Variants in ANK2 observed in about 807,000 individuals in gnomAD.
The protein encoded by ANK2 is ankyrin 2, also known as ankyrin-2.
Under a neutral mutation model 360.5 loss-of-function variants are expected in ANK2, and 83 were observed. The ratio of observed to expected loss-of-function variants is 0.23; its 90% CI spans 0.19 to 0.28. The LOEUF (loss-of-function observed/expected upper bound fraction) is 0.28, where lower values mean the gene tolerates loss of function less well. Among genes scored for constraint, ANK2 ranks in the 10% least tolerant of loss-of-function variants. The probability of loss-of-function intolerance (pLI) is 1.00; values close to 1 mark genes in which losing one functional copy is unlikely to be tolerated. For missense variants in ANK2, 4,201 were observed against 4,795.7 expected, an observed-to-expected ratio of 0.88 and a Z score of 3.66; for synonymous variants, 1,740 against 1,759.5, an observed-to-expected ratio of 0.99 and a Z score of 0.28.
intron 2 of ANK2, among the ~76,000 whole-genome samples, chr4:112,918,989 A>G (rs550085829): frequency 6.6e-6 from 1 of 152,270 alleles, no homozygotes; most frequent in Non-Finnish European, 1.5e-5. Context: ...TCTGCTTTCT[A>G]TGGAATTTCT....
intron 4 of ANK2, among the ~76,000 whole-genome samples, chr4:113,212,674 G>C (rs148104212): frequency 6.6e-6 from 1 of 152,316 alleles, no homozygotes; most frequent in Non-Finnish European, 1.5e-5. Flanking sequence ...ATGTGTCTCA[G>C]AGTTCTCATC....
chr4:113,228,674 A>G lies in ANK2; in HGVS notation c.385-3487A>G, dbSNP rs536357294. ...TGTGTGCAAGTATCTTTTTTGTATAATGACTTCTTTTCCTCTGGGTAGATA... is the reference window on the plus strand; with the variant it reads ...TGTGTGCAAGTATCTTTTTTGTATAGTGACTTCTTTTCCTCTGGGTAGATA... On this transcript the variant is annotated intron_variant, in intron 4 of 45. Coordinates refer to ENST00000357077, the MANE Select transcript of ANK2 (RefSeq NM_001148.6). Among the ~76,000 whole-genome samples the G allele has an allele frequency of 2.6e-5, 4 of 151,992 alleles. No individual in the cohort carries two copies. The East Asian group carries it at 5.8e-4, about 22-fold the overall frequency.
At chr4:112,825,054 A>G (rs1462803614) in intron 1 of ANK2, among the ~76,000 whole-genome samples, 3 of 152,196 alleles carry the variant, frequency 2.0e-5, no homozygotes, top group Admixed American at 1.3e-4. Flanking sequence ...ATGGATCAAG[A>G]TGGAAACCAA....
chr4:112,755,898 C>G, the ANK2 span: 1 of 152,312 alleles, frequency 6.6e-6, no homozygotes, highest in African/African-American at 2.4e-5. Flanking sequence ...GTCATAAATA[C>G]CACTGCACTT....
At chr4:113,229,954 G>T (rs776076206) in intron 4 of ANK2, among the ~76,000 whole-genome samples, 8 of 152,012 alleles carry the variant, frequency 5.3e-5, no homozygotes, top group Non-Finnish European at 8.8e-5. Context: ...CCTGCCTTTT[G>T]CTTGTCATGA....
At chr4:112,964,374 C>G (rs543777852) in intron 2 of ANK2, among the ~76,000 whole-genome samples, 1 of 151,544 alleles carries the variant, frequency 6.6e-6, no homozygotes, top group South Asian at 2.1e-4. Context: ...CTCTCTGTCT[C>G]CATGAGTTCC....
chr4:113,198,552 A>G (rs2098783621), intron 3 of ANK2, among the ~76,000 whole-genome samples: 1 of 152,188 alleles, frequency 6.6e-6, no homozygotes, highest in Non-Finnish European at 1.5e-5. Context: ...CAAGTGCCCC[A>G]GTAGCTGCAA....
chr4:113,306,311 G>T (rs1182052161), intron 23 of ANK2, among the ~76,000 whole-genome samples: 2 of 152,114 alleles, frequency 1.3e-5, no homozygotes, highest in Non-Finnish European at 2.9e-5. Flanking sequence ...TAGATTTTAG[G>T]GATTAGATAA....
At chr4:112,785,603 C>T in the ANK2 span, among the ~76,000 whole-genome samples, 3 of 151,966 alleles carry the variant, frequency 2.0e-5, no homozygotes, top group Admixed American at 6.6e-5. Flanking sequence ...GAACACCTGA[C>T]CTCGTGATCC....
chr4:112,998,421 G>A (rs2154283056), intron 2 of ANK2, among the ~76,000 whole-genome samples: 1 of 152,240 alleles, frequency 6.6e-6, no homozygotes, highest in African/African-American at 2.4e-5. Context: ...TCACATACTA[G>A]CATCCATCAT....
chr4:112,945,732 T>C (rs2094504107), intron 2 of ANK2, among the ~76,000 whole-genome samples: 1 of 152,224 alleles, frequency 6.6e-6, no homozygotes, highest in East Asian at 1.9e-4. Flanking sequence ...TATAACCATA[T>C]AGTCTTTATC....
the ANK2 span, among the ~76,000 whole-genome samples, chr4:112,713,462 G>A: frequency 0.074 from 11,324 of 152,158 alleles, 697 homozygotes; most frequent in African/African-American, 0.16. Flanking sequence ...CTAGCTACTC[G>A]GGAAGCAGAG....
At chr4:112,810,244 C>CA in the ANK2 span, among the ~76,000 whole-genome samples, 1 of 147,186 alleles carries the variant, frequency 6.8e-6, no homozygotes, top group Non-Finnish European at 1.5e-5. Flanking sequence ...TCAGGTGATC[C>CA]ACCTGCCTTG....
intron 2 of ANK2, among the ~76,000 whole-genome samples, chr4:112,989,885 A>G (rs2046168263): frequency 6.6e-6 from 1 of 152,242 alleles, no homozygotes; most frequent in South Asian, 2.1e-4. Flanking sequence ...CCAAGATTAA[A>G]TTAAGAAAAC....
intron 4 of ANK2, among the ~76,000 whole-genome samples, chr4:113,213,346 G>T (rs2099046206): frequency 6.6e-6 from 1 of 152,190 alleles, no homozygotes. Context: ...GTTTAAAAAT[G>T]TGAAGAACCA....
chr4:113,092,907 A>G (rs2089232236), intron 1 of ANK2, among the ~76,000 whole-genome samples: 1 of 152,184 alleles, frequency 6.6e-6, no homozygotes, highest in African/African-American at 2.4e-5. Context: ...AGATATATAA[A>G]TATGCTTTTA....
rs181865627 is a variant in ANK2, at chr4:113,342,922, G to A, written c.4123-95G>A. The A allele has an allele frequency of 3.3e-4, 494 of 1,495,314 alleles. 3 individuals are homozygous for A. The Admixed American group carries it at 5.6e-3, about 17-fold the overall frequency. The allele number at this position is 1,495,314 out of a possible 1,614,324, so 92.6% of individuals were successfully genotyped here. ...AAAGATGGTTGTATGTGTATTATAA[G>A]AATTTGAAGTTCCAAGTAGTACTAC... On this transcript the variant is annotated intron_variant, in intron 33 of 45. Transcript: ENST00000357077.
At chr4:112,953,741 CA>C (rs2095176846) in intron 2 of ANK2, among the ~76,000 whole-genome samples, 2 of 152,148 alleles carry the variant, frequency 1.3e-5, no homozygotes, top group African/African-American at 4.8e-5. Flanking sequence ...GCCTTGTCGG[CA>C]CTAAATCTTG....
upstream of ANK2, chr4:112,817,960 A>G (rs138397637): frequency 1.3e-5 from 2 of 152,374 alleles, no homozygotes; most frequent in East Asian, 3.9e-4. Flanking sequence ...CACCTGCTTA[A>G]ATGCAAACCA....
Sources: allele counts gnomAD v4.1 joint callset (sites outside exome capture counted in the v4.1 genomes callset), GRCh38; gene constraint gnomAD v4.1.1; transcripts MANE v1.5; gene names NCBI Gene and HGNC (gene_info 2026-07-23, HGNC 2026-07-21).